ABCD3: variants seen among roughly 807,000 people sequenced by gnomAD.
ABCD3 encodes the protein ATP binding cassette subfamily D member 3.
Under a neutral mutation model 105.5 loss-of-function variants are expected in ABCD3, and 41 were observed. The ratio of observed to expected loss-of-function variants is 0.39; its 90% CI spans 0.30 to 0.50. ABCD3 has a LOEUF of 0.50. Ranked by LOEUF, ABCD3 falls within the 20% of genes least tolerant of loss-of-function variation. The pLI is 0.84. For synonymous variants in ABCD3, 258 were observed against 269.0 expected (o/e 0.96, Z 0.40); for missense variants, 622 against 806.3 (o/e 0.77, Z 2.77).
At chr1:94,504,337 C>T (rs994640669) in intron 20 of ABCD3, among the ~76,000 whole-genome samples, 7 of 152,060 alleles carry the variant, frequency 4.6e-5, no homozygotes, top group Non-Finnish European at 7.4e-5. Flanking sequence ...AGGCTAGTCT[C>T]GAACTCCTAG....
At chr1:94,493,703 A>G (rs1213520088) in intron 16 of ABCD3, among the ~76,000 whole-genome samples, 3 of 152,290 alleles carry the variant, frequency 2.0e-5, no homozygotes, top group African/African-American at 4.8e-5. Context: ...CAAATGTCCA[A>G]CAATGATAGA....
At chr1:94,507,435 A>G (rs1378726478) in intron 21 of ABCD3, among the ~76,000 whole-genome samples, 3 of 152,102 alleles carry the variant, frequency 2.0e-5, no homozygotes, top group Non-Finnish European at 2.9e-5. Flanking sequence ...ATTGTGAATA[A>G]TGCCGCAGTA....
intron 10 of ABCD3, among the ~76,000 whole-genome samples, chr1:94,487,112 A>G (rs559434489): frequency 6.6e-5 from 10 of 152,310 alleles, no homozygotes; most frequent in Admixed American, 3.9e-4. Flanking sequence ...AGCACAGACC[A>G]TGTGTCTCCA....
chr1:94,499,771 G>A (rs1295813189), intron 20 of ABCD3, among the ~76,000 whole-genome samples, 157 bp downstream of exon 20: 1 of 152,046 alleles, frequency 6.6e-6, no homozygotes, highest in African/African-American at 2.4e-5. Context: ...TCTTTAACTT[G>A]CATGTAAATT....
At chr1:94,426,872 A>T (rs1319193642) in intron 1 of ABCD3, among the ~76,000 whole-genome samples, 5 of 138,474 alleles carry the variant, frequency 3.6e-5, no homozygotes, top group African/African-American at 1.1e-4. Flanking sequence ...TTTTTTTTTT[A>T]AACCTGGGTG....
chr1:94,442,688 G>A (rs928999019), intron 1 of ABCD3, among the ~76,000 whole-genome samples: 6 of 152,220 alleles, frequency 3.9e-5, no homozygotes, highest in South Asian at 2.1e-4. Flanking sequence ...TGTACACATC[G>A]TTAAGCTCCC....
intron 1 of ABCD3, 102 bp downstream of exon 1, chr1:94,418,690 T>A: frequency 7.7e-7 from 1 of 1,306,976 alleles, no homozygotes; most frequent in Admixed American, 2.0e-5. Flanking sequence ...CCCGACGGGG[T>A]CGGGCGGAGA....
chr1:94,444,142 G>A lies in ABCD3; in HGVS notation c.111-14465G>A, dbSNP rs1660247582. 2.6e-5 allele frequency among the ~76,000 whole-genome samples: 4 copies of A among 151,870 alleles called. No homozygotes were observed. In the South Asian group the frequency reaches 8.3e-4, roughly 32 times the overall value. On this transcript the variant is annotated intron_variant, in intron 1 of 22. Coordinates refer to ENST00000370214, the MANE Select transcript of ABCD3 (RefSeq NM_002858.4). ...AGGTCAAGAGATCAAGACCATCCTGGCCAACATGGTGAAACCTCGTCTCTC... is the reference window on the plus strand; with the variant it reads ...AGGTCAAGAGATCAAGACCATCCTGACCAACATGGTGAAACCTCGTCTCTC...
intron 1 of ABCD3, among the ~76,000 whole-genome samples, chr1:94,437,186 G>A (rs1293603164): frequency 2.0e-5 from 3 of 152,322 alleles, no homozygotes; most frequent in Admixed American, 1.3e-4. Context: ...AATCGATAAA[G>A]GTGGACTATA....
At position 94,489,828 on chromosome 1, in the gene ABCD3, T is replaced by C. The variant is rs757288041; in HGVS notation, c.1249+12T>C. 18 of 1,612,056 alleles carry C rather than the reference T, an allele frequency of 1.1e-5. No individual in the cohort carries two copies. The Admixed American group carries it at 1.3e-4, about 12-fold the overall frequency. On this transcript the variant is annotated intron_variant, in intron 14 of 22. Transcript: ENST00000370214. ...ACAACAGGAAAAGGGTAAATATGAG[T>C]GTCACAGTTTAAGGTCACAATTTTA...
chr1:94,483,918 A>G (rs1345707892), intron 10 of ABCD3, among the ~76,000 whole-genome samples: 1 of 152,360 alleles, frequency 6.6e-6, no homozygotes, highest in Non-Finnish European at 1.5e-5. Context: ...AATATCCAGA[A>G]TCTACAAAGA....
chr1:94,509,453 T>C (rs960929695), intron 21 of ABCD3, among the ~76,000 whole-genome samples: 2 of 152,192 alleles, frequency 1.3e-5, no homozygotes, highest in Non-Finnish European at 2.9e-5. Flanking sequence ...ATTCTCTTTT[T>C]TTGGTTGTGT....
At chr1:94,445,962 A>G (rs181754659) in intron 1 of ABCD3, among the ~76,000 whole-genome samples, 87 of 152,274 alleles carry the variant, frequency 5.7e-4, no homozygotes, top group South Asian at 2.9e-3. Context: ...AGCCCAAGCA[A>G]TGGCAGGACT....
At chr1:94,418,907 C>T (rs1659138690) in intron 1 of ABCD3, 1 of 441,676 alleles carries the variant, frequency 2.3e-6, no homozygotes, top group Non-Finnish European at 4.1e-6. Context: ...CGGTGTGTCC[C>T]CCACCCCCTT....
At chr1:94,393,768 A>G in the ABCD3 span, among the ~76,000 whole-genome samples, 2 of 152,238 alleles carry the variant, frequency 1.3e-5, no homozygotes, top group Admixed American at 1.3e-4. Flanking sequence ...GGGTATATCC[A>G]GGTTGGCATT....
At chr1:94,477,227 C>CAAAAAAAAAAAAAAAA (rs561060182) in intron 7 of ABCD3, among the ~76,000 whole-genome samples, 1 of 44,294 alleles carries the variant, frequency 2.3e-5, no homozygotes, top group Non-Finnish European at 3.8e-5. Context: ...ACTTATAAGG[C>CAAAAAAAAAAAAAAAA]AAAAAAAAAA....
At position 94,517,145 on chromosome 1, in the gene ABCD3, T is replaced by A; in HGVS notation, c.*16T>A. On this transcript the variant is annotated 3_prime_UTR_variant, in exon 23 of 23. Transcript: ENST00000370214. The stretch of plus-strand genomic sequence containing the variant: ...TGGCTCTTAGAGAAATCTGGAGAAC[T>A]ATACCTGCTTCAGTGAAATAATTAC... The A allele has an allele frequency of 6.4e-7, 1 of 1,554,592 alleles. No homozygotes were observed. The highest frequency in any genetic ancestry group is 8.9e-7 in the Non-Finnish European group (1 of 1,126,686).
intron 2 of ABCD3, among the ~76,000 whole-genome samples, chr1:94,463,431 C>T (rs550117372): frequency 6.6e-6 from 1 of 152,288 alleles, no homozygotes; most frequent in Admixed American, 6.5e-5. Context: ...AAACAGTTCA[C>T]TTAAGGCTCA....
At chr1:94,489,191 G>A (rs1160886649) in intron 13 of ABCD3, among the ~76,000 whole-genome samples, 1 of 151,998 alleles carries the variant, frequency 6.6e-6, no homozygotes, top group Admixed American at 6.6e-5. Flanking sequence ...TATTGCCACA[G>A]TGATTTCTAT....
Sources: allele counts gnomAD v4.1 joint callset (sites outside exome capture counted in the v4.1 genomes callset), GRCh38; gene constraint gnomAD v4.1.1; transcripts MANE v1.5; gene names NCBI Gene and HGNC (gene_info 2026-07-23, HGNC 2026-07-21).